The following RBFOX1 variants were observed in gnomAD, a reference collection of about 807,000 sequenced individuals.
RBFOX1 encodes RNA binding fox-1 homolog 1, also known as RNA binding protein fox-1 homolog 1.
RBFOX1 carries 8 observed loss-of-function variants against 57.7 expected under a neutral mutation model. The observed-to-expected ratio is 0.14, with a 90% CI of 0.08 to 0.25. The LOEUF is 0.25. RBFOX1 is among the 10% of genes least tolerant of loss of function. The pLI is 1.00. For synonymous variants in RBFOX1, 326 were observed against 222.4 expected (o/e 1.47, Z -4.15); for missense variants, 611 against 548.5 (o/e 1.11, Z -1.14).
chr16:6,925,889 T>G (rs963232160), intron 3 of RBFOX1, among the ~76,000 whole-genome samples: 3 of 152,154 alleles, frequency 2.0e-5, no homozygotes, highest in Non-Finnish European at 4.4e-5. Flanking sequence ...CTCTATGTAA[T>G]TTTGTTTTAT....
intron 5 of RBFOX1, among the ~76,000 whole-genome samples, chr16:7,525,200 A>G (rs2078424086): frequency 6.6e-6 from 1 of 152,152 alleles, no homozygotes; most frequent in Non-Finnish European, 1.5e-5. Flanking sequence ...CATTCTCAAA[A>G]TTACAGAATT....
rs143644492 is a variant in RBFOX1 at position 6,699,901 on chromosome 16, A to C, written c.-16+45251A>C. 1.7e-4 allele frequency among the ~76,000 whole-genome samples: 26 copies of C among 152,294 alleles called. No individual in the cohort carries two copies. The South Asian group carries it at 5.2e-3, about 30-fold the overall frequency. ...CCACAAGTCCTTCAATTTGGGCCCAAAGGTAATGTTAAATTTGTGGACAGG... is the reference window on the plus strand; with the variant it reads ...CCACAAGTCCTTCAATTTGGGCCCACAGGTAATGTTAAATTTGTGGACAGG... On this transcript the variant is annotated intron_variant, in intron 3 of 15. Coordinates refer to ENST00000550418, the MANE Select transcript of RBFOX1 (RefSeq NM_018723.4).
At chr16:6,740,213 T>C (rs1423396238) in intron 3 of RBFOX1, among the ~76,000 whole-genome samples, 1 of 152,156 alleles carries the variant, frequency 6.6e-6, no homozygotes, top group African/African-American at 2.4e-5. Context: ...ACAAAATTGA[T>C]ACACAACCAG....
At chr16:7,368,499 C>G (rs1035183705) in intron 4 of RBFOX1, among the ~76,000 whole-genome samples, 4 of 152,022 alleles carry the variant, frequency 2.6e-5, no homozygotes, top group African/African-American at 7.2e-5. Context: ...AAAATTGGAG[C>G]CGGGAACAGT....
At chr16:6,931,078 A>G (rs2153474489) in intron 3 of RBFOX1, among the ~76,000 whole-genome samples, 1 of 152,238 alleles carries the variant, frequency 6.6e-6, no homozygotes, top group African/African-American at 2.4e-5. Flanking sequence ...CCTAACATTT[A>G]GAATAGCAGA....
chr16:5,527,556 T>C (rs1452149809), intron 2 of RBFOX1, among the ~76,000 whole-genome samples: 1 of 152,228 alleles, frequency 6.6e-6, no homozygotes, highest in African/African-American at 2.4e-5. Flanking sequence ...ACTGAATATG[T>C]AGGGGCTTGT....
At chr16:6,260,554 T>C (rs1203490158) in intron 1 of RBFOX1, among the ~76,000 whole-genome samples, 1 of 152,104 alleles carries the variant, frequency 6.6e-6, no homozygotes, top group Non-Finnish European at 1.5e-5. Flanking sequence ...TAATTAAATA[T>C]CTGTATTAAG....
At position 6,678,142 on chromosome 16, in the gene RBFOX1, G is replaced by C. The variant is rs566634246; in HGVS notation, c.-16+23492G>C. On this transcript the variant is annotated intron_variant, in intron 3 of 15. Transcript: ENST00000550418. ...TGTTTTGTTTTGTTGTGTTGTGTTTGAGACGGAGTCTCGCTCTGTCGCCCA... is the reference window on the plus strand; with the variant it reads ...TGTTTTGTTTTGTTGTGTTGTGTTTCAGACGGAGTCTCGCTCTGTCGCCCA... Among the ~76,000 whole-genome samples the C allele has an allele frequency of 3.3e-5, 5 of 152,306 alleles. No homozygotes were observed. In the East Asian group the frequency reaches 9.6e-4, roughly 29 times the overall value.
intron 1 of RBFOX1, among the ~76,000 whole-genome samples, chr16:6,257,413 C>A (rs79097086): frequency 0.014 from 2,083 of 151,998 alleles, 59 homozygotes; most frequent in African/African-American, 0.047. Context: ...TGTTGAATTT[C>A]TTCTTCTTCT....
At chr16:6,856,237 A>C (rs28526240) in intron 3 of RBFOX1, among the ~76,000 whole-genome samples, 2,107 of 152,262 alleles carry the variant, frequency 0.014, 42 homozygotes, top group African/African-American at 0.048. Context: ...CTGAATCATC[A>C]AGGCAGCCTC....
chr16:7,093,472 A>C (rs750489375), intron 4 of RBFOX1, among the ~76,000 whole-genome samples: 1 of 152,146 alleles, frequency 6.6e-6, no homozygotes, highest in African/African-American at 2.4e-5. Flanking sequence ...GATGTTTTTG[A>C]ACATTTGGAA....
chr16:6,559,853 C>T (rs1440471117), intron 2 of RBFOX1, among the ~76,000 whole-genome samples: 1 of 152,068 alleles, frequency 6.6e-6, no homozygotes, highest in Non-Finnish European at 1.5e-5. Context: ...CCCTTATCTG[C>T]CTAAAGTCTG....
At chr16:5,529,560 C>G (rs969775085) in intron 2 of RBFOX1, among the ~76,000 whole-genome samples, 13 of 121,638 alleles carry the variant, frequency 1.1e-4, no homozygotes, top group South Asian at 6.6e-4. Flanking sequence ...CCATGCTTGG[C>G]TCATTTATGT....
intron 2 of RBFOX1, among the ~76,000 whole-genome samples, chr16:5,529,326 G>C (rs9922754): frequency 0.7 from 106,505 of 151,422 alleles, 38,055 homozygotes; most frequent in East Asian, 0.88. Flanking sequence ...GATTGTTCTG[G>C]TATAATTAGT....
At chr16:5,677,818 C>G (rs963016519) in intron 3 of RBFOX1, among the ~76,000 whole-genome samples, 1 of 152,072 alleles carries the variant, frequency 6.6e-6, no homozygotes, top group Non-Finnish European at 1.5e-5. Flanking sequence ...ACACTGTGTT[C>G]TGGAGGAACG....
chr16:7,350,388 G>C (rs2097106601), intron 4 of RBFOX1, among the ~76,000 whole-genome samples: 1 of 152,096 alleles, frequency 6.6e-6, no homozygotes, highest in Non-Finnish European at 1.5e-5. Flanking sequence ...AAAGAGGGAG[G>C]ATGAAAAACA....
chr16:7,203,867 A>G (rs534142415), intron 4 of RBFOX1, among the ~76,000 whole-genome samples: 135 of 152,344 alleles, frequency 8.9e-4, no homozygotes, highest in African/African-American at 3.2e-3. Flanking sequence ...TTGTCCAGAG[A>G]GCCAGTCCTC....
At chr16:7,478,881 C>G (rs1307870683) in intron 4 of RBFOX1, among the ~76,000 whole-genome samples, 3 of 152,134 alleles carry the variant, frequency 2.0e-5, no homozygotes, top group Non-Finnish European at 4.4e-5. Context: ...TCTGTTGCAT[C>G]TTGAACGGGG....
At chr16:5,304,777 G>A (rs551234085) in intron 1 of RBFOX1, among the ~76,000 whole-genome samples, 8 of 152,128 alleles carry the variant, frequency 5.3e-5, no homozygotes, top group Admixed American at 4.6e-4. Flanking sequence ...TTTCTCTGTG[G>A]AAGAGGAATT....
Sources: gnomAD v4.1 joint callset for allele counts (sites outside exome capture counted in the v4.1 genomes callset) on GRCh38, gnomAD v4.1.1 for gene constraint, MANE v1.5 for transcripts, NCBI Gene and HGNC (gene_info 2026-07-23, HGNC 2026-07-21) for gene names.